The following SEC24A variants were observed in gnomAD, a reference collection of about 807,000 sequenced individuals.
SEC24A encodes the protein SEC24 homolog A, COPII component.
A neutral mutation model predicts 129.4 loss-of-function variants in SEC24A; 93 were observed. That is an observed-to-expected ratio of 0.72 (90% CI 0.61 to 0.85). The LOEUF is 0.85. Ranked by LOEUF, SEC24A falls within the 40% of genes least tolerant of loss-of-function variation. SEC24A has a pLI of 0.00. For synonymous variants in SEC24A, 460 were observed against 467.3 expected (o/e 0.98, Z 0.20); for missense variants, 1,264 against 1,307.4 (o/e 0.97, Z 0.51).
rs575425450 is a variant in SEC24A, at chr5:134,680,747, C to T, written c.1381+1019C>T. Among the ~76,000 whole-genome samples, 19 of 152,158 alleles carry T rather than the reference C, an allele frequency of 1.2e-4. No individual in the cohort carries two copies. In the South Asian group the frequency reaches 3.3e-3, roughly 27 times the overall value. ...AACCTCTCTGCCTCCCAGGTTCAAG[C>T]AATTCTCCTGCCTCAGCCTCCCGAG... On this transcript the variant is annotated intron_variant, in intron 8 of 22. Transcript: ENST00000398844.
rs1450903174 is a variant in SEC24A, at chr5:134,727,749, G to A, written c.*2655G>A. 1.3e-5 allele frequency: 2 copies of A among 152,020 alleles called. No homozygotes were observed. Among genetic ancestry groups the A allele is most frequent in the Non-Finnish European group, 1.5e-5 (1 of 67,950 alleles). The allele number at this position is 152,020 out of a possible 1,614,324, so 9.4% of individuals were successfully genotyped here. A position where few individuals can be genotyped will look rare whatever the true frequency, so the allele number is the denominator to read the frequency against. ...GTGTTAAATCTTGCTTCTCTGAAAAGTTGGAGACAAGATTTGTCTTCCTTT... is the reference window on the plus strand; with the variant it reads ...GTGTTAAATCTTGCTTCTCTGAAAAATTGGAGACAAGATTTGTCTTCCTTT... On this transcript the variant is annotated 3_prime_UTR_variant, in exon 23 of 23. Transcript: ENST00000398844.
chr5:134,700,035 T>C (rs1244992137), intron 15 of SEC24A, among the ~76,000 whole-genome samples: 1 of 151,842 alleles, frequency 6.6e-6, no homozygotes, highest in African/African-American at 2.4e-5. Flanking sequence ...TTTCTCCACA[T>C]TATCAACCTG....
intron 1 of SEC24A, among the ~76,000 whole-genome samples, chr5:134,652,331 C>G (rs1454626261): frequency 6.6e-6 from 1 of 152,104 alleles, no homozygotes; most frequent in Non-Finnish European, 1.5e-5. Context: ...CTCTATTGCC[C>G]AGGCTGGAGT....
At chr5:134,671,947 G>A in intron 4 of SEC24A, 61 bp downstream of exon 4, 1 of 1,011,588 alleles carries the variant, frequency 9.9e-7, no homozygotes, top group Non-Finnish European at 1.5e-6. Context: ...AATAATATGT[G>A]GTAATTGTAC....
chr5:134,700,068 G>GT (rs1287418314), intron 15 of SEC24A, among the ~76,000 whole-genome samples: 19 of 149,206 alleles, frequency 1.3e-4, no homozygotes, highest in Middle Eastern at 3.4e-3. Flanking sequence ...TTTAAGGTGG[G>GT]TTTTTTTTTC....
At chr5:134,697,058 T>A (rs1278323478) in intron 13 of SEC24A, 68 bp from the exon 14 acceptor site, 1 of 880,194 alleles carries the variant, frequency 1.1e-6, no homozygotes, top group Non-Finnish European at 1.7e-6. Flanking sequence ...TGTATGTAGA[T>A]GTGTATTTAG....
chr5:134,656,270 G>A (rs1289865351), intron 1 of SEC24A, among the ~76,000 whole-genome samples: 1 of 151,872 alleles, frequency 6.6e-6, no homozygotes, highest in Non-Finnish European at 1.5e-5. Context: ...TTTTAGAAGA[G>A]ATGGGGTTTC....
intron 17 of SEC24A, among the ~76,000 whole-genome samples, chr5:134,708,322 A>G (rs943615639): frequency 2.6e-5 from 4 of 152,176 alleles, no homozygotes; most frequent in Admixed American, 2.6e-4. Context: ...GTTTTAATTA[A>G]TTAAAATTAA....
chr5:134,666,990 C>T lies in SEC24A; in HGVS notation c.733C>T (p.Gln245Ter). 6 of 1,558,802 alleles carry T rather than the reference C, an allele frequency of 3.8e-6. No homozygotes were observed. Among genetic ancestry groups the T allele is most frequent in the Non-Finnish European group, 5.2e-6 (6 of 1,158,058 alleles). The part of the protein sequence containing the change: ...PQPLFNSAVN[Q>*]EGITSNTNNG... Reference sequence around the variant, plus strand: ...GCCCTTATTTAATTCAGCTGTCAACCAAGAAGGTAAGTGAACCAAGAAACA... The same window carrying T: ...GCCCTTATTTAATTCAGCTGTCAACTAAGAAGGTAAGTGAACCAAGAAACA... Residue 245 changes from glutamine (Q) to a stop codon, truncating the protein, a stop_gained, in exon 3 of 23, where the codon CAA becomes TAA. Coordinates refer to ENST00000398844, the MANE Select transcript of SEC24A (RefSeq NM_021982.3). LOFTEE classifies it high-confidence loss of function.
intron 4 of SEC24A, 51 bp from the exon 5 acceptor site, chr5:134,674,564 A>G (rs1750985368): frequency 6.6e-7 from 1 of 1,516,812 alleles, no homozygotes; most frequent in South Asian, 1.2e-5. Context: ...AAATAAATAA[A>G]TCAAGTATTC....
At chr5:134,713,993 G>A (rs1752406291) in intron 18 of SEC24A, among the ~76,000 whole-genome samples, 1 of 151,292 alleles carries the variant, frequency 6.6e-6, no homozygotes, top group South Asian at 2.1e-4. Context: ...AGTGAGCAGA[G>A]ATCAAACCAC....
intron 15 of SEC24A, among the ~76,000 whole-genome samples, chr5:134,699,550 C>T (rs893532992): frequency 1.3e-5 from 2 of 151,740 alleles, no homozygotes; most frequent in African/African-American, 4.8e-5. Context: ...CCGTCCGCCT[C>T]GGCCTCCCAA....
intron 1 of SEC24A, among the ~76,000 whole-genome samples, chr5:134,653,777 C>G (rs1334185932): frequency 6.6e-6 from 1 of 152,100 alleles, no homozygotes; most frequent in Non-Finnish European, 1.5e-5. Context: ...AGGAAGATCA[C>G]TTGACCCCAG....
At chr5:134,689,945 C>T (rs1357233475) in intron 11 of SEC24A, among the ~76,000 whole-genome samples, 1 of 149,986 alleles carries the variant, frequency 6.7e-6, no homozygotes, top group Non-Finnish European at 1.5e-5. Context: ...TAGGCAAATT[C>T]ATAGAGACAG....
Position 134,671,806 on chromosome 5 carries a change from T to C in SEC24A, c.740-3T>C. ...AAATCTTGTTGATGAACTTCCTTCT[T>C]AGGTATTACATCAAATACCAATAAC... is the stretch of plus-strand genomic sequence containing the variant. On this transcript the variant is annotated splice_region_variant and splice_polypyrimidine_tract_variant and intron_variant, in intron 3 of 22. Coordinates refer to ENST00000398844, the MANE Select transcript of SEC24A (RefSeq NM_021982.3). The C allele has an allele frequency of 1.3e-6, 2 of 1,558,530 alleles. No homozygotes were observed. The highest frequency in any genetic ancestry group is 1.7e-6 in the Non-Finnish European group (2 of 1,146,584).
At chr5:134,695,524 C>T (rs1268041047) in intron 13 of SEC24A, among the ~76,000 whole-genome samples, 1 of 151,990 alleles carries the variant, frequency 6.6e-6, no homozygotes, top group African/African-American at 2.4e-5. Flanking sequence ...TGGTGGCTCA[C>T]GCCTGTAATT....
At chr5:134,704,064 A>G in intron 16 of SEC24A, 132 bp downstream of exon 16, 1 of 375,910 alleles carries the variant, frequency 2.7e-6, no homozygotes, top group Non-Finnish European at 4.7e-6. Context: ...TTATTTATTT[A>G]TTTATTTATT....
intron 7 of SEC24A, among the ~76,000 whole-genome samples, chr5:134,678,506 G>A (rs569819406): frequency 4.6e-4 from 70 of 151,330 alleles, no homozygotes; most frequent in African/African-American, 1.6e-3. Flanking sequence ...TGTTGCTCAG[G>A]TTGGTCTCTA....
intron 2 of SEC24A, among the ~76,000 whole-genome samples, chr5:134,664,792 C>CTTTTTTTTTTTTTT (rs70976552): frequency 9.3e-5 from 8 of 86,204 alleles, no homozygotes; most frequent in African/African-American, 1.2e-4. Context: ...TTTTCTTTTT[C>CTTTTTTTTTTTTTT]TTTTTTTTTT....
Sources: allele counts gnomAD v4.1 joint callset (sites outside exome capture counted in the v4.1 genomes callset), GRCh38; gene constraint gnomAD v4.1.1; transcripts MANE v1.5; gene names NCBI Gene and HGNC (gene_info 2026-07-23, HGNC 2026-07-21).